PSMD1: variants seen among roughly 807,000 people sequenced by gnomAD.
The protein encoded by PSMD1 is 26S proteasome non-ATPase regulatory subunit 1.
In PSMD1, 18 loss-of-function variants were observed where a neutral mutation model predicts 119.0. The observed-to-expected ratio is 0.15, with a 90% CI of 0.10 to 0.22. The LOEUF is 0.22. Among genes scored for constraint, PSMD1 ranks in the 10% least tolerant of loss-of-function variants. PSMD1 has a pLI of 1.00. For missense variants in PSMD1, 702 were observed against 1,158.5 expected, an observed-to-expected ratio of 0.61 and a Z score of 5.72; for synonymous variants, 374 against 396.6, an observed-to-expected ratio of 0.94 and a Z score of 0.68.
chr2:231,109,224 T>G, intron 16 of PSMD1: 1 of 1,614,210 alleles, frequency 6.2e-7, no homozygotes, highest in South Asian at 1.1e-5. Context: ...AAGTAAGCCT[T>G]CTTCTGTAAA....
intron 16 of PSMD1, among the ~76,000 whole-genome samples, chr2:231,107,519 A>G (rs964421361): frequency 2.0e-5 from 3 of 152,220 alleles, no homozygotes; most frequent in African/African-American, 7.2e-5. Flanking sequence ...CTATGTACTC[A>G]TCCTCATAAG....
intron 17 of PSMD1, among the ~76,000 whole-genome samples, chr2:231,144,201 C>T (rs988503976): frequency 2.0e-5 from 3 of 151,532 alleles, no homozygotes; most frequent in Non-Finnish European, 2.9e-5. Flanking sequence ...GGATTACAGG[C>T]GTGAGCCATC....
At chr2:231,150,533 A>AG (rs985112384) in intron 18 of PSMD1, among the ~76,000 whole-genome samples, 10 of 152,056 alleles carry the variant, frequency 6.6e-5, no homozygotes, top group African/African-American at 2.4e-4. Context: ...TTGTTTTTCA[A>AG]GACTCATTTG....
chr2:231,070,013 T>C lies in PSMD1; in HGVS notation c.511-12T>C. On this transcript the variant is annotated splice_polypyrimidine_tract_variant and intron_variant, in intron 5 of 24. Transcript: ENST00000308696. The stretch of plus-strand genomic sequence containing the variant: ...ACCAGATAACGTTATATCTTTAAAC[T>C]ATCTCTTTCAGAATGATGTCCCAGG... 7.1e-7 allele frequency: 1 copy of C among 1,409,032 alleles called. No individual in the cohort carries two copies. The highest frequency in any genetic ancestry group is 1.7e-5 in the South Asian group (1 of 57,804). 87.3% of individuals were successfully genotyped at this position (1,409,032 alleles called of 1,614,324 possible).
chr2:231,144,172 C>G (rs1696197481), intron 17 of PSMD1, among the ~76,000 whole-genome samples: 1 of 151,894 alleles, frequency 6.6e-6, no homozygotes, highest in Non-Finnish European at 1.5e-5. Flanking sequence ...GTCATCCCAC[C>G]TTGCCTCTCA....
intron 16 of PSMD1, among the ~76,000 whole-genome samples, chr2:231,097,563 T>C (rs1694756380): frequency 2.0e-5 from 3 of 152,228 alleles, no homozygotes; most frequent in African/African-American, 7.2e-5. Flanking sequence ...TGTTCAGCTA[T>C]TCCTTTAACA....
chr2:231,085,172 AT>A, intron 15 of PSMD1, 58 bp downstream of exon 15: 1 of 1,406,960 alleles, frequency 7.1e-7, no homozygotes, highest in Non-Finnish European at 1.0e-6. Flanking sequence ...CAGATGGACA[AT>A]AAGTGTCTAG....
At chr2:231,075,047 A>G (rs1366640671) in intron 7 of PSMD1, among the ~76,000 whole-genome samples, 2 of 152,130 alleles carry the variant, frequency 1.3e-5, no homozygotes, top group Non-Finnish European at 2.9e-5. Context: ...GCCCAGGCTT[A>G]TTGGTACCTT....
chr2:231,081,412 G>A (rs927181409), intron 12 of PSMD1, among the ~76,000 whole-genome samples: 42 of 152,256 alleles, frequency 2.8e-4, no homozygotes, highest in Non-Finnish European at 5.3e-4. Context: ...TTAATAGAAA[G>A]GCTGATGAAC....
intron 6 of PSMD1, 114 bp downstream of exon 6, chr2:231,070,282 A>C: frequency 6.1e-5 from 53 of 862,908 alleles, no homozygotes; most frequent in Non-Finnish European, 7.3e-5. Context: ...CATGTATCTC[A>C]GCTGATCTTC....
chr2:231,132,107 T>G (rs1390975276), intron 16 of PSMD1, among the ~76,000 whole-genome samples: 1 of 152,260 alleles, frequency 6.6e-6, no homozygotes, highest in Non-Finnish European at 1.5e-5. Context: ...AAATTTTTTC[T>G]AAACCTCATG....
intron 16 of PSMD1, among the ~76,000 whole-genome samples, 186 bp downstream of exon 16, chr2:231,087,367 C>A (rs1164831302): frequency 6.6e-6 from 1 of 152,184 alleles, no homozygotes; most frequent in African/African-American, 2.4e-5. Flanking sequence ...AAGAACAAAG[C>A]ATATCATGGG....
intron 1 of PSMD1, among the ~76,000 whole-genome samples, chr2:231,057,534 G>T (rs1185561859): frequency 6.6e-6 from 1 of 152,220 alleles, no homozygotes. Flanking sequence ...CCGAAATTAG[G>T]TTTGAGGTGG....
intron 16 of PSMD1, among the ~76,000 whole-genome samples, chr2:231,099,619 G>C (rs1166913335): frequency 1.3e-5 from 2 of 152,088 alleles, no homozygotes; most frequent in Admixed American, 6.5e-5. Flanking sequence ...TTGGGGTAAG[G>C]TTCAAGGTTC....
chr2:231,085,901 G>A (rs752091177), intron 15 of PSMD1, among the ~76,000 whole-genome samples: 4 of 151,942 alleles, frequency 2.6e-5, no homozygotes, highest in Non-Finnish European at 5.9e-5. Flanking sequence ...TAGAACTATT[G>A]TTAACTCCTT....
intron 7 of PSMD1, among the ~76,000 whole-genome samples, chr2:231,074,444 T>C (rs1194718981): frequency 6.6e-6 from 1 of 152,150 alleles, no homozygotes; most frequent in East Asian, 1.9e-4. Context: ...TTCTTTCTTC[T>C]TGCCTTCTCC....
At chr2:231,113,432 G>C (rs766280834) in intron 16 of PSMD1, among the ~76,000 whole-genome samples, 8 of 152,190 alleles carry the variant, frequency 5.3e-5, no homozygotes, top group Non-Finnish European at 1.0e-4. Flanking sequence ...TATGAAGACT[G>C]TTCTCAAACT....
At chr2:231,080,879 A>C (rs1276508907) in intron 12 of PSMD1, among the ~76,000 whole-genome samples, 2 of 152,188 alleles carry the variant, frequency 1.3e-5, no homozygotes, top group East Asian at 3.9e-4. Flanking sequence ...ACGGTGGCTC[A>C]CGCCTGTAAT....
At position 231,079,930 on chromosome 2, in the gene PSMD1, AT is replaced by A. The variant is rs965658317; in HGVS notation, c.1240-199del. 1.5e-3 allele frequency among the ~76,000 whole-genome samples: 216 copies of A among 147,108 alleles called. 1 individual carries two copies. The highest frequency in any genetic ancestry group is 3.4e-3 in the African/African-American group (139 of 40,348). On this transcript the variant is annotated intron_variant, in intron 11 of 24. Coordinates refer to ENST00000308696, the MANE Select transcript of PSMD1 (RefSeq NM_002807.4). ...AAGGGAAAAAATTGAAGCATTTGTG[AT>A]TTTTTTTTTTTCTAACCAGAGTGTA...
Sources: allele counts gnomAD v4.1 joint callset (sites outside exome capture counted in the v4.1 genomes callset), GRCh38; gene constraint gnomAD v4.1.1; transcripts MANE v1.5; gene names NCBI Gene and HGNC (gene_info 2026-07-23, HGNC 2026-07-21).